Variants in SEMA4D observed in about 807,000 individuals in gnomAD.
The protein encoded by SEMA4D is semaphorin-4D.
In SEMA4D, 22 loss-of-function variants were observed where a neutral mutation model predicts 74.8. That is an observed-to-expected ratio of 0.29 (90% CI 0.21 to 0.42). The LOEUF is 0.42. SEMA4D is among the 10% of genes least tolerant of loss of function. SEMA4D has a pLI of 1.00. For missense variants in SEMA4D, 937 were observed against 1,118.4 expected (o/e 0.84, Z 2.31); for synonymous variants, 445 against 463.7 (o/e 0.96, Z 0.52).
intron 2 of SEMA4D, among the ~76,000 whole-genome samples, chr9:89,422,822 T>C (rs954299039): frequency 1.3e-5 from 2 of 152,206 alleles, no homozygotes; most frequent in African/African-American, 4.8e-5. Context: ...GGAGATTCCA[T>C]GGTTCCATCA....
At chr9:89,456,747 C>T (rs1036666249) in intron 1 of SEMA4D, among the ~76,000 whole-genome samples, 7 of 152,308 alleles carry the variant, frequency 4.6e-5, no homozygotes, top group Non-Finnish European at 8.8e-5. Context: ...CCACCACACC[C>T]GGCTGATTTT....
intron 2 of SEMA4D, among the ~76,000 whole-genome samples, chr9:89,413,531 T>C (rs924847496): frequency 1.3e-5 from 2 of 152,250 alleles, no homozygotes; most frequent in Non-Finnish European, 2.9e-5. Context: ...CGCATAGATA[T>C]GTGCACCTAT....
intron 2 of SEMA4D, among the ~76,000 whole-genome samples, chr9:89,454,614 C>T (rs1031660589): frequency 2.0e-5 from 3 of 152,248 alleles, no homozygotes; most frequent in Admixed American, 1.3e-4. Context: ...TGGCCGAAGA[C>T]GGTCCCTCCT....
rs757378766 is a variant in SEMA4D, at chr9:89,389,081, G to A, written c.775-34C>T. The A allele has an allele frequency of 1.1e-5, 18 of 1,611,548 alleles. No homozygotes were observed. In the South Asian group the frequency reaches 1.9e-4, roughly 17 times the overall value. On this transcript the variant is annotated intron_variant, in intron 9 of 15. Coordinates refer to ENST00000422704, the MANE Select transcript of SEMA4D (RefSeq NM_001371194.2). ...CCAACAAGAAGACGTGGTGGGCCGA[G>A]AGTGGATCCCCTGTGAGCAAGCACT...
At chr9:89,380,919 A>T in intron 15 of SEMA4D, 136 bp downstream of exon 15, 1 of 1,052,098 alleles carries the variant, frequency 9.5e-7, no homozygotes, top group Non-Finnish European at 1.4e-6. Context: ...CGAGTCTGCT[A>T]CAGAACACTT....
chr9:89,425,354 T>C (rs10752655), intron 2 of SEMA4D, among the ~76,000 whole-genome samples: 148,924 of 152,212 alleles, frequency 0.98, 72,961 homozygotes, highest in Non-Finnish European at 1. Flanking sequence ...CTGGTCTTCA[T>C]TCACGGGGTC....
intron 2 of SEMA4D, among the ~76,000 whole-genome samples, chr9:89,419,272 G>A (rs190413149): frequency 3.9e-5 from 6 of 152,188 alleles, no homozygotes; most frequent in South Asian, 2.1e-4. Flanking sequence ...TGGCTCTTAC[G>A]GCCAATTTTA....
chr9:89,385,499 A>G (rs1255062953), intron 13 of SEMA4D: 1 of 985,246 alleles, frequency 1.0e-6, no homozygotes, highest in Admixed American at 6.1e-5. Context: ...GGAGACCGAG[A>G]GGCTGGTGAA....
intron 2 of SEMA4D, among the ~76,000 whole-genome samples, chr9:89,410,469 C>G (rs1398553092): frequency 6.6e-6 from 1 of 151,960 alleles, no homozygotes; most frequent in Non-Finnish European, 1.5e-5. Flanking sequence ...AGAAACACAA[C>G]CTGGAAAATG....
intron 16 of SEMA4D, among the ~76,000 whole-genome samples, chr9:89,370,754 T>TG (rs770933374): frequency 1.7e-5 from 2 of 116,978 alleles, no homozygotes; most frequent in Admixed American, 8.2e-5. Flanking sequence ...TGGGGTGTGG[T>TG]TGTGAGGGGT....
At chr9:89,449,667 G>T in intron 2 of SEMA4D, 1 of 1,504,946 alleles carries the variant, frequency 6.6e-7, no homozygotes, top group Non-Finnish European at 9.2e-7. Context: ...GTCCTTGGTG[G>T]ACGCATCTAG....
Position 89,399,348 on chromosome 9 carries a change from T to C in SEMA4D, c.253-10A>G, listed in dbSNP as rs1304304277. Reference sequence around the variant, plus strand: ...AGACCTTCCAATACACCTGTTGGGATAGAGTCCATATCAGTGCATATTCTT... The same window carrying C: ...AGACCTTCCAATACACCTGTTGGGACAGAGTCCATATCAGTGCATATTCTT... On this transcript the variant is annotated splice_polypyrimidine_tract_variant and intron_variant, in intron 4 of 15. Coordinates refer to ENST00000422704, the MANE Select transcript of SEMA4D (RefSeq NM_001371194.2). 1.3e-6 allele frequency: 2 copies of C among 1,598,824 alleles called. No homozygotes were observed. Among genetic ancestry groups the C allele is most frequent in the Non-Finnish European group, 1.7e-6 (2 of 1,166,042 alleles).
chr9:89,385,602 G>T, intron 13 of SEMA4D: 1 of 981,958 alleles, frequency 1.0e-6, no homozygotes, highest in Non-Finnish European at 1.2e-6. Flanking sequence ...TTAGCAGAGG[G>T]GAGGTGACCA....
chr9:89,416,079 C>T (rs1453846135), intron 2 of SEMA4D, among the ~76,000 whole-genome samples: 1 of 152,150 alleles, frequency 6.6e-6, no homozygotes, highest in Non-Finnish European at 1.5e-5. Context: ...CTCCACAAAC[C>T]AAATGTAAAT....
chr9:89,404,780 C>T (rs1842932953), intron 3 of SEMA4D, among the ~76,000 whole-genome samples: 1 of 148,154 alleles, frequency 6.7e-6, no homozygotes, highest in South Asian at 2.2e-4. Context: ...AAGTGGGGTC[C>T]CTGTCCCGTT....
chr9:89,369,926 C>T (rs1019291276), intron 16 of SEMA4D, among the ~76,000 whole-genome samples: 5 of 150,108 alleles, frequency 3.3e-5, no homozygotes, highest in Non-Finnish European at 7.4e-5. Context: ...GTGTGGGTAG[C>T]GTGCATGTGT....
chr9:89,450,829 A>C, intron 2 of SEMA4D: 2 of 679,630 alleles, frequency 2.9e-6, no homozygotes, highest in Non-Finnish European at 2.5e-6. Context: ...TGTGAAGTGC[A>C]GTTCTTCTCC....
At position 89,381,333 on chromosome 9, in the gene SEMA4D, A is replaced by T; in HGVS notation, c.1460T>A (p.Val487Asp). Residue 487 changes from valine (V) to aspartate (D), a missense_variant, in exon 14 of 16, where the codon GTC becomes GAC. Val to Asp is a radical substitution (Grantham distance 152). Transcript: ENST00000422704. This position sits in a 1 kb window ranked among gnomAD's most constrained non-coding sequence, Gnocchi z 4.6. ...LLSSKKGNRF[V>D]YAGSNSGVVQ... ...CACGCCCGAGTTAGAGCCAGCATAGACAAACCTGTTGCCCTGCGTGTATGA... is the reference window on the plus strand; with the variant it reads ...CACGCCCGAGTTAGAGCCAGCATAGTCAAACCTGTTGCCCTGCGTGTATGA... 6.7e-7 allele frequency: 1 copy of T among 1,489,812 alleles called. No homozygotes were observed. The highest frequency in any genetic ancestry group is 9.0e-7 in the Non-Finnish European group (1 of 1,116,030). The allele number at this position is 1,489,812 out of a possible 1,614,324, so 92.3% of individuals were successfully genotyped here. A position where few individuals can be genotyped will look rare whatever the true frequency, so the allele number is the denominator to read the frequency against.
intron 13 of SEMA4D, chr9:89,385,141 G>C: frequency 1.1e-6 from 1 of 891,980 alleles, no homozygotes; most frequent in Non-Finnish European, 1.3e-6. Flanking sequence ...GGTGGGCACT[G>C]ACCCGTAACC....
Sources: gnomAD v4.1 joint callset for allele counts (sites outside exome capture counted in the v4.1 genomes callset) on GRCh38, gnomAD v4.1.1 for gene constraint, Gnocchi (gnomAD v3.1) non-coding constraint, MANE v1.5 for transcripts, NCBI Gene and HGNC (gene_info 2026-07-23, HGNC 2026-07-21) for gene names.